Variants in COL25A1 observed in about 807,000 individuals in gnomAD.
The protein encoded by COL25A1 is collagen type XXV alpha 1 chain, also known as collagen alpha-1(XXV) chain.
In COL25A1, 103 loss-of-function variants were observed where a neutral mutation model predicts 128.4. That is an observed-to-expected ratio of 0.80 (90% CI 0.68 to 0.94). COL25A1 has a LOEUF of 0.94. Ranked by LOEUF, COL25A1 falls within the 40% of genes least tolerant of loss-of-function variation. The pLI, the probability that COL25A1 is intolerant of heterozygous loss-of-function variation, is 0.00. For synonymous variants in COL25A1, 279 were observed against 277.2 expected (o/e 1.01, Z -0.06); for missense variants, 745 against 840.0 (o/e 0.89, Z 1.40).
In COL25A1 at chr4:108,920,588, G is replaced by A. The variant is rs776030701; in HGVS notation, c.725C>T (p.Pro242Leu). 21 of 1,602,844 alleles carry A rather than the reference G, an allele frequency of 1.3e-5. No individual in the cohort carries two copies. In the East Asian group the frequency reaches 1.8e-4, roughly 14 times the overall value. ...EQGLMGPLGP[P>L]GQKGSIGAPG... ...TTGTTTATACTCTACCTTTTGTCCCGGAGGCCCTAGAGGACCCTAAAAAAG... is the reference window on the plus strand; with the variant it reads ...TTGTTTATACTCTACCTTTTGTCCCAGAGGCCCTAGAGGACCCTAAAAAAG... Residue 242 changes from proline (P) to leucine (L), a missense_variant, in exon 12 of 38, where the codon CCG becomes CTG. Coordinates refer to ENST00000399132, the MANE Select transcript of COL25A1 (RefSeq NM_198721.4).
At chr4:108,889,598 G>A in intron 17 of COL25A1, 103 bp downstream of exon 17, 1 of 974,452 alleles carries the variant, frequency 1.0e-6, no homozygotes, top group Non-Finnish European at 1.6e-6. Context: ...AATAAGAACA[G>A]AGTTATAACC....
At chr4:109,052,321 G>A (rs1361914107) in intron 3 of COL25A1, among the ~76,000 whole-genome samples, 1 of 152,134 alleles carries the variant, frequency 6.6e-6, no homozygotes, top group African/African-American at 2.4e-5. Flanking sequence ...TTAAAGAAAT[G>A]AATCAAATGC....
At chr4:108,885,785 A>G (rs1433052854) in intron 18 of COL25A1, among the ~76,000 whole-genome samples, 1 of 152,178 alleles carries the variant, frequency 6.6e-6, no homozygotes, top group Non-Finnish European at 1.5e-5. Context: ...ATAGCTTTGT[A>G]TTCTTTCAGA....
At chr4:109,214,238 G>T (rs976106315) in intron 3 of COL25A1, among the ~76,000 whole-genome samples, 3 of 151,920 alleles carry the variant, frequency 2.0e-5, no homozygotes, top group African/African-American at 7.3e-5. Context: ...AAAAGTAACA[G>T]AAAAACATAT....
chr4:109,015,665 G>A (rs570300249), intron 5 of COL25A1, among the ~76,000 whole-genome samples: 8 of 152,264 alleles, frequency 5.3e-5, no homozygotes, highest in African/African-American at 1.9e-4. Flanking sequence ...AGAAACAGCA[G>A]GAGAAGCTGA....
chr4:109,138,238 T>C (rs939940750), intron 3 of COL25A1, among the ~76,000 whole-genome samples: 1 of 152,174 alleles, frequency 6.6e-6, no homozygotes, highest in Non-Finnish European at 1.5e-5. Flanking sequence ...CACTTGGTGT[T>C]TGGTTTTTTG....
intron 5 of COL25A1, among the ~76,000 whole-genome samples, chr4:109,034,607 T>C (rs1044620736): frequency 6.6e-6 from 1 of 152,222 alleles, no homozygotes; most frequent in Non-Finnish European, 1.5e-5. Context: ...CTAAGTTTTC[T>C]ATTAACTCTT....
chr4:108,983,876 G>A (rs1028337489), intron 6 of COL25A1, among the ~76,000 whole-genome samples: 3 of 152,154 alleles, frequency 2.0e-5, no homozygotes, highest in Admixed American at 6.5e-5. Context: ...AGCAGCAGCA[G>A]GATTTATTGC....
intron 3 of COL25A1, among the ~76,000 whole-genome samples, chr4:109,150,016 GTATC>G (rs1771336093): frequency 6.6e-6 from 1 of 150,750 alleles, no homozygotes; most frequent in Non-Finnish European, 1.5e-5. Context: ...GTGTGTGTAT[GTATC>G]TGTGTGTATG....
chr4:109,235,805 T>C (rs193012476), intron 3 of COL25A1, among the ~76,000 whole-genome samples: 217 of 152,144 alleles, frequency 1.4e-3, no homozygotes, highest in African/African-American at 5.1e-3. Context: ...GTGACACAGA[T>C]TTTGCAGTTA....
At chr4:108,841,981 T>C (rs570315218) in intron 30 of COL25A1, among the ~76,000 whole-genome samples, 2 of 152,268 alleles carry the variant, frequency 1.3e-5, no homozygotes, top group South Asian at 4.1e-4. Flanking sequence ...CAGGGTTACA[T>C]GGAAGAAAGA....
intron 15 of COL25A1, among the ~76,000 whole-genome samples, chr4:108,897,934 G>A (rs1366039323): frequency 1.3e-5 from 2 of 151,940 alleles, no homozygotes; most frequent in Non-Finnish European, 2.9e-5. Context: ...TCTGATGAAC[G>A]CCTGGTATGG....
At chr4:109,230,070 C>T (rs1350333903) in intron 3 of COL25A1, among the ~76,000 whole-genome samples, 1 of 152,120 alleles carries the variant, frequency 6.6e-6, no homozygotes, top group African/African-American at 2.4e-5. Context: ...CTCACTATCA[C>T]AAAGACACCA....
At chr4:109,145,082 T>C (rs1770797284) in intron 3 of COL25A1, among the ~76,000 whole-genome samples, 1 of 150,794 alleles carries the variant, frequency 6.6e-6, no homozygotes, top group African/African-American at 2.4e-5. Context: ...TTTTTTTTTT[T>C]TTTTGAGACG....
At chr4:109,014,143 C>T (rs775393261) in intron 5 of COL25A1, among the ~76,000 whole-genome samples, 11 of 152,090 alleles carry the variant, frequency 7.2e-5, no homozygotes, top group South Asian at 2.1e-4. Flanking sequence ...CCCGTCTCTA[C>T]TAAAAATACA....
intron 3 of COL25A1, among the ~76,000 whole-genome samples, chr4:109,248,403 G>T (rs1464730422): frequency 6.6e-6 from 1 of 151,980 alleles, no homozygotes; most frequent in African/African-American, 2.4e-5. Flanking sequence ...TGGTTATCAG[G>T]GCAATTGTGT....
At chr4:108,862,772 T>C (rs1371610255) in intron 21 of COL25A1, among the ~76,000 whole-genome samples, 1 of 152,156 alleles carries the variant, frequency 6.6e-6, no homozygotes, top group Non-Finnish European at 1.5e-5. Flanking sequence ...TGCCCTCCCA[T>C]CAGTGGATGA....
chr4:108,924,923 G>A (rs1745877741), intron 11 of COL25A1, among the ~76,000 whole-genome samples: 1 of 152,160 alleles, frequency 6.6e-6, no homozygotes, highest in South Asian at 2.1e-4. Context: ...TCACCTTTGG[G>A]GTTAGGTGCC....
intron 11 of COL25A1, among the ~76,000 whole-genome samples, chr4:108,931,305 T>C (rs1433076487): frequency 1.3e-5 from 2 of 152,192 alleles, no homozygotes; most frequent in Non-Finnish European, 2.9e-5. Flanking sequence ...CACCATTCTT[T>C]ACAGATGAGG....
Sources: gnomAD v4.1 joint callset for allele counts (sites outside exome capture counted in the v4.1 genomes callset) on GRCh38, gnomAD v4.1.1 for gene constraint, MANE v1.5 for transcripts, NCBI Gene and HGNC (gene_info 2026-07-23, HGNC 2026-07-21) for gene names.